The following BMAL1 variants were observed in gnomAD, a reference collection of about 807,000 sequenced individuals.
The protein encoded by BMAL1 is basic helix-loop-helix ARNT-like protein 1.
chr11:13,280,944 A>G, the BMAL1 span, among the ~76,000 whole-genome samples: 1 of 152,204 alleles, frequency 6.6e-6, no homozygotes, highest in African/African-American at 2.4e-5. Flanking sequence ...TGGCAGAAGA[A>G]TCCATGGCTC....
the BMAL1 span, among the ~76,000 whole-genome samples, chr11:13,340,141 G>A: frequency 6.6e-6 from 1 of 152,248 alleles, no homozygotes; most frequent in African/African-American, 2.4e-5. Flanking sequence ...TCAATAAACT[G>A]TGTTGGATTG....
At chr11:13,365,537 G>A in the BMAL1 span, 6 of 1,613,738 alleles carry the variant, frequency 3.7e-6, no homozygotes, top group Admixed American at 1.7e-5. Flanking sequence ...GGATGTGACC[G>A]AGGGAAGATA....
chr11:13,366,189 A>G, the BMAL1 span, among the ~76,000 whole-genome samples: 3 of 152,224 alleles, frequency 2.0e-5, no homozygotes, highest in Non-Finnish European at 4.4e-5. Context: ...ATTTATGTAA[A>G]TTAGAATTAA....
the BMAL1 span, chr11:13,379,079 C>G: frequency 6.6e-6 from 1 of 152,216 alleles, no homozygotes; most frequent in Non-Finnish European, 1.5e-5. Context: ...ACCTCTTGCT[C>G]TCTGTTGATT....
chr11:13,365,501 C>T, the BMAL1 span: 1 of 1,612,682 alleles, frequency 6.2e-7, no homozygotes, highest in South Asian at 1.1e-5. Context: ...CCTGATTAGG[C>T]AGCAGATGGA....
the BMAL1 span, among the ~76,000 whole-genome samples, chr11:13,296,477 G>C: frequency 1.3e-5 from 2 of 152,342 alleles, no homozygotes; most frequent in Middle Eastern, 3.4e-3. Context: ...AGTCCCACTA[G>C]GAAGACTCTT....
the BMAL1 span, chr11:13,378,316 T>C: frequency 6.3e-7 from 1 of 1,580,650 alleles, no homozygotes; most frequent in Non-Finnish European, 8.6e-7. Flanking sequence ...CCTTTCCTAC[T>C]CTCAGATTCC....
At chr11:13,352,605 T>C in the BMAL1 span, among the ~76,000 whole-genome samples, 3 of 152,232 alleles carry the variant, frequency 2.0e-5, no homozygotes, top group African/African-American at 7.2e-5. Flanking sequence ...TGTGTCCCGT[T>C]TTGACCTGTC....
At chr11:13,363,135 T>C in the BMAL1 span, among the ~76,000 whole-genome samples, 4 of 57,332 alleles carry the variant, frequency 7.0e-5, no homozygotes. Context: ...TTCATATATA[T>C]ATATATATAT....
At chr11:13,310,356 GA>G in the BMAL1 span, among the ~76,000 whole-genome samples, 1 of 152,080 alleles carries the variant, frequency 6.6e-6, no homozygotes, top group African/African-American at 2.4e-5. Context: ...AAGCTAGATT[GA>G]AAAAAGTCCG....
the BMAL1 span, among the ~76,000 whole-genome samples, chr11:13,355,467 A>G: frequency 1.3e-5 from 2 of 152,148 alleles, no homozygotes; most frequent in Non-Finnish European, 2.9e-5. Flanking sequence ...GATGTGTTCT[A>G]AGGCCTCTGT....
the BMAL1 span, among the ~76,000 whole-genome samples, chr11:13,287,124 A>C: frequency 1.3e-5 from 2 of 152,208 alleles, no homozygotes; most frequent in Non-Finnish European, 2.9e-5. Context: ...TGTTTTCGAC[A>C]TCATGAACCA....
the BMAL1 span, among the ~76,000 whole-genome samples, chr11:13,278,819 G>C: frequency 1.3e-5 from 2 of 152,248 alleles, no homozygotes; most frequent in East Asian, 3.9e-4. Context: ...GGGAAGAAAA[G>C]GTTCCCGCTC....
the BMAL1 span, among the ~76,000 whole-genome samples, chr11:13,284,505 G>T: frequency 3.3e-5 from 5 of 151,366 alleles, no homozygotes; most frequent in African/African-American, 4.9e-5. Context: ...TGCCCTCAGA[G>T]CTCTCGTCCT....
chr11:13,361,977 G>A, the BMAL1 span, among the ~76,000 whole-genome samples: 8 of 152,324 alleles, frequency 5.3e-5, no homozygotes, highest in East Asian at 1.9e-4. Context: ...ACTTGGTCAC[G>A]CCTAGCTGCA....
the BMAL1 span, among the ~76,000 whole-genome samples, chr11:13,291,909 G>A: frequency 7.2e-5 from 11 of 152,132 alleles, no homozygotes; most frequent in Non-Finnish European, 1.6e-4. Flanking sequence ...CACGGAGTTT[G>A]TGTAATTTCT....
the BMAL1 span, chr11:13,360,504 G>A: frequency 7.5e-7 from 1 of 1,329,308 alleles, no homozygotes; most frequent in African/African-American, 1.5e-5. Context: ...GGAATTTGAT[G>A]TTTCAACACT....
the BMAL1 span, among the ~76,000 whole-genome samples, chr11:13,343,539 T>C: frequency 1.3e-5 from 2 of 152,192 alleles, no homozygotes; most frequent in Non-Finnish European, 2.9e-5. Flanking sequence ...AGCCATCTCA[T>C]CTGTGGCCTG....
the BMAL1 span, among the ~76,000 whole-genome samples, chr11:13,308,418 T>C: frequency 6.6e-6 from 1 of 152,092 alleles, no homozygotes; most frequent in Non-Finnish European, 1.5e-5. Context: ...GGAGGTGATA[T>C]GTGTGAATCC....
Sources: allele counts gnomAD v4.1 joint callset (sites outside exome capture counted in the v4.1 genomes callset), GRCh38; gene constraint gnomAD v4.1.1; transcripts MANE v1.5; gene names NCBI Gene and HGNC (gene_info 2026-07-23, HGNC 2026-07-21).